FAT3: variants seen among roughly 807,000 people sequenced by gnomAD.
The protein encoded by FAT3 is protocadherin Fat 3.
FAT3 carries 95 observed loss-of-function variants against 310.2 expected under a neutral mutation model. That is an observed-to-expected ratio of 0.31 (90% CI 0.26 to 0.36). FAT3 has a LOEUF of 0.36. Ranked by LOEUF, FAT3 falls within the 10% of genes least tolerant of loss-of-function variation. The probability of loss-of-function intolerance (pLI) is 1.00; values close to 1 mark genes in which losing one functional copy is unlikely to be tolerated. For missense variants in FAT3, 5,408 were observed against 5,715.6 expected (o/e 0.95, Z 1.74); for synonymous variants, 2,314 against 2,192.9 (o/e 1.06, Z -1.54).
intron 2 of FAT3, among the ~76,000 whole-genome samples, chr11:92,382,849 A>G (rs1949529368): frequency 6.6e-6 from 1 of 152,166 alleles, no homozygotes; most frequent in Non-Finnish European, 1.5e-5. Flanking sequence ...TTTTATTTTA[A>G]GTTCATGGGT....
intron 3 of FAT3, among the ~76,000 whole-genome samples, chr11:92,557,677 A>C (rs1057252136): frequency 6.6e-6 from 1 of 152,212 alleles, no homozygotes; most frequent in Non-Finnish European, 1.5e-5. Context: ...TCTCTGCCCC[A>C]GTCAGACTGT....
intron 19 of FAT3, among the ~76,000 whole-genome samples, chr11:92,849,190 G>T (rs556150748): frequency 6.6e-6 from 1 of 152,290 alleles, no homozygotes; most frequent in South Asian, 2.1e-4. Context: ...GACAGAGCCA[G>T]GATTCATCCT....
At chr11:92,439,634 G>C (rs1452943616) in intron 2 of FAT3, among the ~76,000 whole-genome samples, 2 of 152,122 alleles carry the variant, frequency 1.3e-5, no homozygotes, top group Non-Finnish European at 2.9e-5. Context: ...ACCTGCTAAA[G>C]GCCAGGCATG....
chr11:92,282,637 T>C (rs1946458260), intron 1 of FAT3, among the ~76,000 whole-genome samples: 1 of 136,732 alleles, frequency 7.3e-6, no homozygotes, highest in African/African-American at 2.9e-5. Flanking sequence ...GCATAAAGAG[T>C]GAAACTCTAT....
chr11:92,597,245 A>G (rs1156249478), intron 3 of FAT3, among the ~76,000 whole-genome samples: 1 of 152,130 alleles, frequency 6.6e-6, no homozygotes, highest in Non-Finnish European at 1.5e-5. Flanking sequence ...GTAAATGAGT[A>G]CTCCTACCTT....
intron 4 of FAT3, among the ~76,000 whole-genome samples, chr11:92,758,438 C>T (rs571976941): frequency 6.6e-6 from 1 of 152,242 alleles, no homozygotes; most frequent in East Asian, 1.9e-4. Context: ...GAGGGCATTC[C>T]ATGAAGACAA....
At chr11:92,823,501 T>G (rs1303081766) in intron 13 of FAT3, among the ~76,000 whole-genome samples, 2 of 152,218 alleles carry the variant, frequency 1.3e-5, no homozygotes, top group East Asian at 3.9e-4. Context: ...TTTCACTTAG[T>G]GCTCTCTTCT....
At chr11:92,673,049 C>A (rs937963418) in intron 3 of FAT3, among the ~76,000 whole-genome samples, 2 of 152,100 alleles carry the variant, frequency 1.3e-5, no homozygotes, top group South Asian at 4.1e-4. Context: ...GTTAATAATT[C>A]TTATTCTGTT....
chr11:92,889,760 G>A (rs1949874891), intron 26 of FAT3, 96 bp from the exon 27 acceptor site: 2 of 707,934 alleles, frequency 2.8e-6, no homozygotes, highest in Admixed American at 2.0e-5. Flanking sequence ...CAGGCCTTTA[G>A]GAGTATGTTT....
chr11:92,851,013 C>T (rs1198512124), intron 19 of FAT3, among the ~76,000 whole-genome samples: 2 of 152,088 alleles, frequency 1.3e-5, no homozygotes, highest in Non-Finnish European at 2.9e-5. Flanking sequence ...ACATGGTGTG[C>T]GTGTTTCTCC....
chr11:92,457,940 A>G (rs1163899777), intron 2 of FAT3, among the ~76,000 whole-genome samples: 1 of 152,168 alleles, frequency 6.6e-6, no homozygotes, highest in African/African-American at 2.4e-5. Flanking sequence ...AAATAAATAA[A>G]TAAATAAAAA....
chr11:92,866,989 CCTGA>C lies in FAT3; in HGVS notation c.11913_11916del (p.Asp3972ArgfsTer17). ...TGGTGCAAGCGGATAACATCCGCAG[CCTGA>C]CTGACACGCGGGTCACGCAGGTGCT... On this transcript the variant is annotated frameshift_variant, in exon 22 of 28. Coordinates refer to ENST00000525166, the MANE Select transcript of FAT3 (RefSeq NM_001367949.2). LOFTEE classifies it high-confidence loss of function. 2 of 1,610,680 alleles carry C rather than the reference CCTGA, an allele frequency of 1.2e-6. No homozygotes were observed. Among genetic ancestry groups the C allele is most frequent in the Non-Finnish European group, 8.5e-7 (1 of 1,178,628 alleles).
chr11:92,735,459 C>T (rs534488672), intron 4 of FAT3, among the ~76,000 whole-genome samples: 2 of 152,026 alleles, frequency 1.3e-5, no homozygotes, highest in South Asian at 4.2e-4. Flanking sequence ...CAGAGGTCTA[C>T]TGAATACTAA....
At chr11:92,599,788 G>A (rs1426735390) in intron 3 of FAT3, among the ~76,000 whole-genome samples, 1 of 152,130 alleles carries the variant, frequency 6.6e-6, no homozygotes, top group African/African-American at 2.4e-5. Context: ...CATACATAGG[G>A]GAGTTGTCTA....
At chr11:92,876,485 AC>A (rs1282022874) in intron 22 of FAT3, among the ~76,000 whole-genome samples, 1 of 152,214 alleles carries the variant, frequency 6.6e-6, no homozygotes, top group East Asian at 1.9e-4. Context: ...CCTTCTGTAG[AC>A]ATAGCTGGCA....
intron 3 of FAT3, among the ~76,000 whole-genome samples, chr11:92,654,445 G>C (rs1430742492): frequency 6.6e-6 from 1 of 152,168 alleles, no homozygotes; most frequent in Admixed American, 6.5e-5. Flanking sequence ...CCTCTTACCT[G>C]TATTACCAAA....
chr11:92,887,984 C>G (rs1258451186), intron 25 of FAT3, among the ~76,000 whole-genome samples: 6 of 152,178 alleles, frequency 3.9e-5, no homozygotes, highest in Admixed American at 2.0e-4. Context: ...TTTATGTAAT[C>G]ATTCAATCTA....
intron 2 of FAT3, among the ~76,000 whole-genome samples, chr11:92,421,831 A>G (rs1188730501): frequency 6.6e-6 from 1 of 152,170 alleles, no homozygotes; most frequent in Non-Finnish European, 1.5e-5. Flanking sequence ...CCCCAGGTAG[A>G]GGAACAGGCA....
At chr11:92,878,119 G>A (rs1949574468) in intron 22 of FAT3, among the ~76,000 whole-genome samples, 1 of 152,148 alleles carries the variant, frequency 6.6e-6, no homozygotes, top group South Asian at 2.1e-4. Context: ...TGAGCAGGCT[G>A]GCTGGTTGAA....
Sources: gnomAD v4.1 joint callset for allele counts (sites outside exome capture counted in the v4.1 genomes callset) on GRCh38, gnomAD v4.1.1 for gene constraint, MANE v1.5 for transcripts, NCBI Gene and HGNC (gene_info 2026-07-23, HGNC 2026-07-21) for gene names.